MRPL42: variants seen among roughly 807,000 people sequenced by gnomAD.
MRPL42 encodes mitochondrial ribosomal protein L42, also known as large ribosomal subunit protein mL42.
Under a neutral mutation model 17.9 loss-of-function variants are expected in MRPL42, and 17 were observed. The observed-to-expected ratio is 0.95, with a 90% CI of 0.65 to 1.42. The LOEUF (loss-of-function observed/expected upper bound fraction) is 1.42, where lower values mean the gene tolerates loss of function less well. Among genes scored for constraint, MRPL42 ranks in the 40% most tolerant of loss-of-function variants. MRPL42 has a pLI of 0.00. For missense variants in MRPL42, 177 were observed against 175.2 expected (o/e 1.01, Z -0.06); for synonymous variants, 59 against 54.4 (o/e 1.08, Z -0.37).
chr12:93,488,539 T>C (rs1355930879), intron 5 of MRPL42: 9 of 348,284 alleles, frequency 2.6e-5, no homozygotes, highest in Non-Finnish European at 4.6e-5. Context: ...TCATTTAATA[T>C]GTTGTTTTTG....
rs1486942120 is a variant in MRPL42, at chr12:93,503,618, A to G, written c.*2397A>G. 2 of 151,950 alleles carry G rather than the reference A, an allele frequency of 1.3e-5. No homozygotes were observed. The highest frequency in any genetic ancestry group is 6.6e-5 in the Admixed American group (1 of 15,230). 9.4% of individuals were successfully genotyped at this position (151,950 alleles called of 1,614,324 possible). A position where few individuals can be genotyped will look rare whatever the true frequency, so the allele number is the denominator to read the frequency against. The stretch of plus-strand genomic sequence containing the variant: ...AGGCTGGTCTTGAACTCCTGGGCTC[A>G]AAGCGATCCACCCACCTTGGCCTCC... On this transcript the variant is annotated 3_prime_UTR_variant, in exon 6 of 6. Coordinates refer to ENST00000549982, the MANE Select transcript of MRPL42 (RefSeq NM_014050.4).
At chr12:93,467,805 G>A (rs1395963449) in intron 1 of MRPL42, among the ~76,000 whole-genome samples, 2 of 152,166 alleles carry the variant, frequency 1.3e-5, no homozygotes, top group African/African-American at 4.8e-5. Context: ...ACTCCTTTAG[G>A]TCGAAGAGTT....
At chr12:93,496,297 G>A (rs1226504752) in intron 5 of MRPL42, among the ~76,000 whole-genome samples, 2 of 151,872 alleles carry the variant, frequency 1.3e-5, no homozygotes, top group African/African-American at 2.4e-5. Context: ...GACCTCAAGC[G>A]ATCCACCCAC....
rs1953730553 is a variant in MRPL42, at chr12:93,512,080, C to T, written c.*10859C>T. The T allele has an allele frequency of 6.6e-6, 1 of 152,150 alleles. No individual in the cohort carries two copies. Among genetic ancestry groups the T allele is most frequent in the Admixed American group, 6.5e-5 (1 of 15,268 alleles). 9.4% of individuals were successfully genotyped at this position (152,150 alleles called of 1,614,324 possible). A position where few individuals can be genotyped will look rare whatever the true frequency, so the allele number is the denominator to read the frequency against. On this transcript the variant is annotated 3_prime_UTR_variant, in exon 6 of 6. Coordinates refer to ENST00000549982, the MANE Select transcript of MRPL42 (RefSeq NM_014050.4). ...TTACATTTAGAGATATGATGATTAT[C>T]TAGAGGGAAAGTTCTGTTGAGCATA... is the stretch of plus-strand genomic sequence containing the variant.
At chr12:93,497,616 G>T (rs901723402) in intron 5 of MRPL42, among the ~76,000 whole-genome samples, 3 of 151,932 alleles carry the variant, frequency 2.0e-5, no homozygotes, top group African/African-American at 7.3e-5. Flanking sequence ...CAAACCCACA[G>T]CCAACATACT....
At chr12:93,500,907 A>G (rs1953580206) in intron 5 of MRPL42, 3 of 324,006 alleles carry the variant, frequency 9.3e-6, no homozygotes, top group Non-Finnish European at 1.7e-5. Flanking sequence ...GTAGTACACT[A>G]TTATTGAGCT....
At chr12:93,492,772 T>C (rs1319718903) in intron 5 of MRPL42, among the ~76,000 whole-genome samples, 2 of 152,238 alleles carry the variant, frequency 1.3e-5, no homozygotes, top group African/African-American at 2.4e-5. Context: ...ATATGCTCAA[T>C]AAATGTCAAA....
chr12:93,467,900 G>A (rs1879710820), intron 1 of MRPL42, among the ~76,000 whole-genome samples: 1 of 152,130 alleles, frequency 6.6e-6, no homozygotes, highest in African/African-American at 2.4e-5. Flanking sequence ...TCCGGGCTGA[G>A]GGACTTGATC....
Position 93,469,410 on chromosome 12 carries a change from A to C in MRPL42, c.70+55A>C, listed in dbSNP as rs559735506. On this transcript the variant is annotated intron_variant, in intron 2 of 5. Transcript: ENST00000549982. ...ACTTTTAAACTTTTAAGAATTAAGA[A>C]AATTTAAAGCATTTAGTTATTGTAT... The C allele has an allele frequency of 3.4e-4, 460 of 1,339,748 alleles. 4 individuals carry two copies. The South Asian group carries it at 5.5e-3, about 16-fold the overall frequency. 83.0% of individuals were successfully genotyped at this position (1,339,748 alleles called of 1,614,324 possible).
chr12:93,478,221 A>G (rs1444035255), intron 3 of MRPL42, among the ~76,000 whole-genome samples: 1 of 150,924 alleles, frequency 6.6e-6, no homozygotes, highest in Non-Finnish European at 1.5e-5. Flanking sequence ...CTCCCAGCGT[A>G]CAAGGATTAC....
chr12:93,496,401 C>T (rs1319727491), intron 5 of MRPL42, among the ~76,000 whole-genome samples: 1 of 151,252 alleles, frequency 6.6e-6, no homozygotes, highest in East Asian at 1.9e-4. Flanking sequence ...AAGATTTAAC[C>T]AAAAAAAGTC....
Position 93,503,475 on chromosome 12 carries a change from G to A in MRPL42, c.*2254G>A, listed in dbSNP as rs1408970704. ...ATTGCACTGCAACCTCAATATCCTG[G>A]GCTCAAGCAATCCTCCCACCGCAGC... On this transcript the variant is annotated 3_prime_UTR_variant, in exon 6 of 6. Coordinates refer to ENST00000549982, the MANE Select transcript of MRPL42 (RefSeq NM_014050.4). The A allele has an allele frequency of 6.6e-6, 1 of 151,840 alleles. No individual in the cohort carries two copies. Among genetic ancestry groups the A allele is most frequent in the Non-Finnish European group, 1.5e-5 (1 of 67,982 alleles). 9.4% of individuals were successfully genotyped at this position (151,840 alleles called of 1,614,324 possible).
intron 4 of MRPL42, among the ~76,000 whole-genome samples, chr12:93,479,999 A>G (rs1880381706): frequency 6.6e-6 from 1 of 151,614 alleles, no homozygotes; most frequent in African/African-American, 2.4e-5. Flanking sequence ...CAAGTACTAG[A>G]TAGAAGAGGA....
chr12:93,496,081 C>T (rs1490785180), intron 5 of MRPL42, among the ~76,000 whole-genome samples: 2 of 152,116 alleles, frequency 1.3e-5, no homozygotes, highest in South Asian at 2.1e-4. Flanking sequence ...TTGTTTGACA[C>T]GGAGTCTTGC....
chr12:93,508,867 C>G lies in MRPL42; in HGVS notation c.*7646C>G, dbSNP rs1953697614. 6.6e-6 allele frequency: 1 copy of G among 152,124 alleles called. No individual in the cohort carries two copies. The highest frequency in any genetic ancestry group is 1.5e-5 in the Non-Finnish European group (1 of 68,036). The allele number at this position is 152,124 out of a possible 1,614,324, so 9.4% of individuals were successfully genotyped here. The stretch of plus-strand genomic sequence containing the variant: ...AACCATATATATTTTAACACTGTCT[C>G]TTTTTCACACACACTAGTTAGCTAA... On this transcript the variant is annotated 3_prime_UTR_variant, in exon 6 of 6. Coordinates refer to ENST00000549982, the MANE Select transcript of MRPL42 (RefSeq NM_014050.4).
At chr12:93,480,118 A>G (rs1880385771) in intron 4 of MRPL42, among the ~76,000 whole-genome samples, 1 of 151,712 alleles carries the variant, frequency 6.6e-6, no homozygotes, top group Non-Finnish European at 1.5e-5. Flanking sequence ...CTACTAGGTA[A>G]TGTTTGATTT....
At position 93,469,210 on chromosome 12, in the gene MRPL42, T is replaced by G. The variant is rs942979029; in HGVS notation, c.-76T>G. On this transcript the variant is annotated 5_prime_UTR_variant, in exon 2 of 6. Coordinates refer to ENST00000549982, the MANE Select transcript of MRPL42 (RefSeq NM_014050.4). The stretch of plus-strand genomic sequence containing the variant: ...TCAGCAGGAGTAGAAATTGGTATGC[T>G]TAGAAGCAGATTCTAAAAGCAGTTT... 3 of 1,197,790 alleles carry G rather than the reference T, an allele frequency of 2.5e-6. No individual in the cohort carries two copies. In the African/African-American group the frequency reaches 4.6e-5, roughly 18 times the overall value. 74.2% of individuals were successfully genotyped at this position (1,197,790 alleles called of 1,614,324 possible).
chr12:93,504,714 A>G lies in MRPL42; in HGVS notation c.*3493A>G, dbSNP rs1271404666. The G allele has an allele frequency of 1.3e-5, 2 of 152,176 alleles. No homozygotes were observed. The highest frequency in any genetic ancestry group is 2.9e-5 in the Non-Finnish European group (2 of 68,050). 9.4% of individuals were successfully genotyped at this position (152,176 alleles called of 1,614,324 possible). On this transcript the variant is annotated 3_prime_UTR_variant, in exon 6 of 6. Transcript: ENST00000549982. ...CTACCTCCCCTGCACAACATTGTTT[A>G]TATGCCCCCTAAAATGTAACTTCTT...
In MRPL42 at chr12:93,477,007, G is replaced by A. The variant is rs148591056; in HGVS notation, c.124G>A (p.Asp42Asn). 6.3e-7 allele frequency: 1 copy of A among 1,590,418 alleles called. No individual in the cohort carries two copies. The highest frequency in any genetic ancestry group is 1.1e-5 in the South Asian group (1 of 89,480). ...HKSTYSPLPD[D>N]YNCNVELALT... is the part of the protein sequence containing the mutation. ...ATCTACGTATTCTCCTCTACCAGAT[G>A]ACTATAATTGGTATGTATTAAAATT... Residue 42 changes from aspartate (D) to asparagine (N), a missense_variant, in exon 3 of 6, where the codon GAC becomes AAC. Asp to Asn is a conservative substitution (Grantham distance 23). Coordinates refer to ENST00000549982, the MANE Select transcript of MRPL42 (RefSeq NM_014050.4).
Sources: allele counts gnomAD v4.1 joint callset (sites outside exome capture counted in the v4.1 genomes callset), GRCh38; gene constraint gnomAD v4.1.1; transcripts MANE v1.5; gene names NCBI Gene and HGNC (gene_info 2026-07-23, HGNC 2026-07-21).